CAMTA1: variants seen among roughly 807,000 people sequenced by gnomAD.
The protein encoded by CAMTA1 is calmodulin binding transcription activator 1, also known as calmodulin-binding transcription activator 1.
In CAMTA1, 27 loss-of-function variants were observed where a neutral mutation model predicts 170.9. The ratio of observed to expected loss-of-function variants is 0.16; its 90% confidence interval spans 0.12 to 0.22. The LOEUF is 0.22. Among genes scored for constraint, CAMTA1 ranks in the 10% least tolerant of loss-of-function variants. The pLI is 1.00. For missense variants in CAMTA1, 1,619 were observed against 2,217.2 expected (o/e 0.73, Z 5.42); for synonymous variants, 833 against 891.5 (o/e 0.93, Z 1.17).
At chr1:6,892,597 C>CTTTTTTTT (rs70984032) in intron 3 of CAMTA1, among the ~76,000 whole-genome samples, 4 of 120,874 alleles carry the variant, frequency 3.3e-5, no homozygotes, top group Admixed American at 8.2e-5. Flanking sequence ...TTTTTCTTTT[C>CTTTTTTTT]TTTTTTTTTT....
chr1:7,069,880 T>C (rs114042764), intron 3 of CAMTA1, among the ~76,000 whole-genome samples: 3 of 152,208 alleles, frequency 2.0e-5, no homozygotes, highest in Non-Finnish European at 4.4e-5. Flanking sequence ...CAGGCCCAAA[T>C]TGCACCTATA....
At chr1:7,085,791 A>G (rs1640655658) in intron 3 of CAMTA1, among the ~76,000 whole-genome samples, 1 of 152,220 alleles carries the variant, frequency 6.6e-6, no homozygotes, top group Non-Finnish European at 1.5e-5. Context: ...CTGGCTCCTG[A>G]CATGGGCTTT....
At chr1:7,231,350 T>TGTGTGTGTGAGA (rs112268253) in intron 4 of CAMTA1, among the ~76,000 whole-genome samples, 12 of 141,106 alleles carry the variant, frequency 8.5e-5, no homozygotes, top group Non-Finnish European at 1.7e-4. Context: ...TGTGTGTGTG[T>TGTGTGTGTGAGA]GAGAGAGAGA....
In CAMTA1 at chr1:7,600,465, AG is replaced by A. The variant is rs536395071; in HGVS notation, c.511-39932del. Among the ~76,000 whole-genome samples the A allele has an allele frequency of 5.0e-3, 747 of 150,046 alleles. 7 individuals carry two copies. Among genetic ancestry groups the A allele is most frequent in the African/African-American group, 0.017 (704 of 40,866 alleles). On this transcript the variant is annotated intron_variant, in intron 6 of 22. Coordinates refer to ENST00000303635, the MANE Select transcript of CAMTA1 (RefSeq NM_015215.4). Reference sequence around the variant, plus strand: ...TAACGCTGGCCTCATAAAATGAGTTAGGGAGGATTCCCTCTTTTTCTTTTTC... The same window carrying A: ...TAACGCTGGCCTCATAAAATGAGTTAGGAGGATTCCCTCTTTTTCTTTTTC...
At chr1:7,510,773 G>A (rs2094192228) in intron 6 of CAMTA1, among the ~76,000 whole-genome samples, 1 of 145,472 alleles carries the variant, frequency 6.9e-6, no homozygotes. Flanking sequence ...CAGGACCTTT[G>A]TCCTCCTGCT....
intron 6 of CAMTA1, among the ~76,000 whole-genome samples, chr1:7,571,846 A>G (rs1176434063): frequency 3.3e-5 from 5 of 152,182 alleles, no homozygotes; most frequent in African/African-American, 1.2e-4. Context: ...TCCTTTGGGT[A>G]TATATCCAGT....
intron 4 of CAMTA1, among the ~76,000 whole-genome samples, chr1:7,118,103 G>C (rs1049382262): frequency 6.6e-6 from 1 of 152,018 alleles, no homozygotes; most frequent in South Asian, 2.1e-4. Context: ...AGCATCCGTC[G>C]CTCAAATCCT....
At chr1:6,964,678 C>A (rs778959290) in intron 3 of CAMTA1, among the ~76,000 whole-genome samples, 1 of 152,238 alleles carries the variant, frequency 6.6e-6, no homozygotes, top group Non-Finnish European at 1.5e-5. Flanking sequence ...TTCCTTTGTA[C>A]ACTTTTATAA....
intron 3 of CAMTA1, among the ~76,000 whole-genome samples, chr1:7,047,347 T>C (rs778867089): frequency 6.6e-6 from 1 of 152,180 alleles, no homozygotes; most frequent in Non-Finnish European, 1.5e-5. Flanking sequence ...AGGTTACACT[T>C]CAGCACAGTC....
At chr1:7,587,524 G>T (rs1421205260) in intron 6 of CAMTA1, among the ~76,000 whole-genome samples, 1 of 152,044 alleles carries the variant, frequency 6.6e-6, no homozygotes, top group African/African-American at 2.4e-5. Flanking sequence ...TTGATGATAT[G>T]TTTCTAAATT....
chr1:7,365,187 A>T (rs2085868482), intron 5 of CAMTA1, among the ~76,000 whole-genome samples: 1 of 151,752 alleles, frequency 6.6e-6, no homozygotes, highest in Admixed American at 6.6e-5. Context: ...GCTGAATTCC[A>T]GCCTCTGTCT....
chr1:6,840,502 T>G (rs1354169780), intron 3 of CAMTA1, among the ~76,000 whole-genome samples: 1 of 152,188 alleles, frequency 6.6e-6, no homozygotes, highest in Non-Finnish European at 1.5e-5. Flanking sequence ...CCTCAGCTAC[T>G]GCGTTGGTGC....
Position 6,887,444 on chromosome 1 carries a change from G to A in CAMTA1, c.234+62234G>A, listed in dbSNP as rs542415467. On this transcript the variant is annotated intron_variant, in intron 3 of 22. Transcript: ENST00000303635. This position sits in a 1 kb window ranked among gnomAD's most constrained non-coding sequence, Gnocchi z 4.1. Reference sequence around the variant, plus strand: ...TAGGCGAAGAAGTCAGACATATATGGTTGTATGTACATGTGTATAGTATGT... The same window carrying A: ...TAGGCGAAGAAGTCAGACATATATGATTGTATGTACATGTGTATAGTATGT... Among the ~76,000 whole-genome samples, 4 of 152,282 alleles carry A rather than the reference G, an allele frequency of 2.6e-5. No individual in the cohort carries two copies. The South Asian group carries it at 8.3e-4, about 32-fold the overall frequency.
At chr1:6,864,505 T>G (rs1665904816) in intron 3 of CAMTA1, among the ~76,000 whole-genome samples, 1 of 152,162 alleles carries the variant, frequency 6.6e-6, no homozygotes, top group Non-Finnish European at 1.5e-5. Context: ...CTAGACACAG[T>G]CTGCCAGGCC....
intron 6 of CAMTA1, among the ~76,000 whole-genome samples, chr1:7,564,411 C>T (rs772599777): frequency 6.6e-6 from 1 of 152,206 alleles, no homozygotes; most frequent in Non-Finnish European, 1.5e-5. Context: ...TTAGAGAGGG[C>T]GGCGCCTTCA....
At chr1:7,099,971 CA>C (rs1642527234) in intron 4 of CAMTA1, among the ~76,000 whole-genome samples, 1 of 152,196 alleles carries the variant, frequency 6.6e-6, no homozygotes, top group Non-Finnish European at 1.5e-5. Context: ...GGGCAGAGGC[CA>C]GGGGGTGGTT....
At chr1:7,566,110 A>G (rs1355413447) in intron 6 of CAMTA1, among the ~76,000 whole-genome samples, 2 of 152,192 alleles carry the variant, frequency 1.3e-5, no homozygotes, top group African/African-American at 4.8e-5. Context: ...ATTCAGCCAT[A>G]GCACCTTGAA....
intron 10 of CAMTA1, among the ~76,000 whole-genome samples, chr1:7,676,172 G>A (rs956376435): frequency 6.6e-6 from 1 of 152,210 alleles, no homozygotes; most frequent in Non-Finnish European, 1.5e-5. Flanking sequence ...GCAGGCATGC[G>A]ACCACAAGCT....
intron 11 of CAMTA1, chr1:7,694,272 A>G (rs1241319513): frequency 6.6e-6 from 1 of 152,186 alleles, no homozygotes; most frequent in African/African-American, 2.4e-5. Context: ...CACAGATCTT[A>G]TGTAGTATTC....
Sources: allele counts gnomAD v4.1 joint callset (sites outside exome capture counted in the v4.1 genomes callset), GRCh38; gene constraint gnomAD v4.1.1; non-coding constraint Gnocchi (gnomAD v3.1); transcripts MANE v1.5; gene names NCBI Gene and HGNC (gene_info 2026-07-23, HGNC 2026-07-21).